CNBD1: variants seen among roughly 807,000 people sequenced by gnomAD.
CNBD1 encodes cyclic nucleotide binding domain containing 1, also known as cyclic nucleotide-binding domain-containing protein 1.
In CNBD1, 71 loss-of-function variants were observed where a neutral mutation model predicts 54.4. That is an observed-to-expected ratio of 1.30 (90% confidence interval 1.08 to 1.59). The LOEUF is 1.59. CNBD1 is among the 40% of genes most tolerant of loss of function. CNBD1 has a pLI of 0.00. For missense variants in CNBD1, 659 were observed against 518.0 expected (o/e 1.27, Z -2.64); for synonymous variants, 182 against 170.7 (o/e 1.07, Z -0.51).
intron 8 of CNBD1, among the ~76,000 whole-genome samples, chr8:87,348,757 T>TA (rs1455670811): frequency 6.6e-6 from 1 of 152,240 alleles, no homozygotes; most frequent in Non-Finnish European, 1.5e-5. Context: ...CTGATGCTAA[T>TA]AGCCAGTAGG....
intron 6 of CNBD1, among the ~76,000 whole-genome samples, chr8:87,245,960 C>T (rs1254148807): frequency 6.6e-6 from 1 of 151,984 alleles, no homozygotes; most frequent in Non-Finnish European, 1.5e-5. Context: ...ATGCCCATTT[C>T]ATTTAAAGTA....
At chr8:87,303,629 T>C (rs1019129717) in intron 8 of CNBD1, among the ~76,000 whole-genome samples, 2 of 146,770 alleles carry the variant, frequency 1.4e-5, no homozygotes, top group African/African-American at 5.4e-5. Flanking sequence ...AAGCCAAAAT[T>C]GACAAATGGG....
chr8:87,244,711 C>T (rs1807768193), intron 6 of CNBD1, among the ~76,000 whole-genome samples: 1 of 152,066 alleles, frequency 6.6e-6, no homozygotes, highest in Non-Finnish European at 1.5e-5. Context: ...TCCTTTAAGT[C>T]AGGGATCTTA....
intron 4 of CNBD1, among the ~76,000 whole-genome samples, chr8:87,121,510 A>AT (rs1301500516): frequency 4.0e-5 from 6 of 151,730 alleles, no homozygotes; most frequent in Non-Finnish European, 8.9e-5. Flanking sequence ...CAAACCTATC[A>AT]TTTTTTATGG....
At chr8:87,270,273 A>G (rs1808335373) in intron 6 of CNBD1, among the ~76,000 whole-genome samples, 1 of 145,782 alleles carries the variant, frequency 6.9e-6, no homozygotes. Context: ...ACAAGGAAAA[A>G]CAAACAACCT....
intron 10 of CNBD1, among the ~76,000 whole-genome samples, chr8:87,378,956 G>A (rs1400481714): frequency 6.7e-6 from 1 of 149,114 alleles, no homozygotes; most frequent in Non-Finnish European, 1.5e-5. Context: ...CTCTCTGTTT[G>A]TCTGTTGTTG....
chr8:87,017,344 T>C (rs1809376291), intron 4 of CNBD1, among the ~76,000 whole-genome samples: 2 of 152,232 alleles, frequency 1.3e-5, no homozygotes, highest in South Asian at 4.1e-4. Flanking sequence ...AATCTGCTCA[T>C]GTAAATTCTC....
chr8:87,304,741 CG>C (rs1563544952), intron 8 of CNBD1, among the ~76,000 whole-genome samples: 1 of 152,032 alleles, frequency 6.6e-6, no homozygotes, highest in Non-Finnish European at 1.5e-5. Context: ...TCAGCAATGT[CG>C]GCAAACAAGG....
chr8:87,275,292 T>G (rs964247700), intron 6 of CNBD1, among the ~76,000 whole-genome samples: 3 of 80,554 alleles, frequency 3.7e-5, no homozygotes, highest in Non-Finnish European at 7.7e-5. Context: ...TTAAAGTAGT[T>G]TTTTTCCAAT....
At chr8:87,026,722 T>A (rs1026852831) in intron 4 of CNBD1, among the ~76,000 whole-genome samples, 4 of 152,246 alleles carry the variant, frequency 2.6e-5, no homozygotes, top group African/African-American at 9.6e-5. Context: ...TTTCCCGTAC[T>A]TACTAGTTCC....
chr8:87,234,512 G>A (rs1250965438), intron 5 of CNBD1, among the ~76,000 whole-genome samples: 1 of 152,180 alleles, frequency 6.6e-6, no homozygotes, highest in Non-Finnish European at 1.5e-5. Flanking sequence ...GTTCTTGGGT[G>A]ACCAGATGCA....
chr8:86,949,740 G>A (rs1807556907), intron 4 of CNBD1, among the ~76,000 whole-genome samples: 1 of 151,790 alleles, frequency 6.6e-6, no homozygotes, highest in South Asian at 2.1e-4. Flanking sequence ...CTCTTGCTAG[G>A]ACTTCCAGTA....
intron 6 of CNBD1, among the ~76,000 whole-genome samples, chr8:87,264,658 C>T (rs138943553): frequency 0.28 from 42,644 of 151,958 alleles, 6,442 homozygotes; most frequent in African/African-American, 0.39. Flanking sequence ...TCTCCAGCAC[C>T]TGTTGTTTCC....
intron 3 of CNBD1, among the ~76,000 whole-genome samples, chr8:86,910,016 G>A (rs539513347): frequency 3.9e-5 from 6 of 152,294 alleles, no homozygotes; most frequent in African/African-American, 1.2e-4. Flanking sequence ...TCTCAAGGGA[G>A]ACAGCCTTAA....
Position 87,326,441 on chromosome 8 carries a change from C to A in CNBD1, c.1043-25244C>A, listed in dbSNP as rs1364889214. 4.7e-5 allele frequency among the ~76,000 whole-genome samples: 6 copies of A among 126,968 alleles called. 2 individuals carry two copies. Among genetic ancestry groups the A allele is most frequent in the African/African-American group, 5.7e-5 (2 of 34,874 alleles). The allele number at this position is 126,968 out of a possible 152,430, so 83.3% of individuals were successfully genotyped here. The stretch of plus-strand genomic sequence containing the variant: ...TTCTCCCCATCACTTTCAGGTACAC[C>A]AATCAGACATAGATTTGGTCTTTTC... On this transcript the variant is annotated intron_variant, in intron 8 of 10. Transcript: ENST00000518476.
intron 2 of CNBD1, among the ~76,000 whole-genome samples, chr8:87,393,835 GAGAC>G (rs1194650958): frequency 6.6e-6 from 1 of 151,794 alleles, no homozygotes; most frequent in African/African-American, 2.4e-5. Context: ...TAATGGAAGA[GAGAC>G]AGGTAATCAA....
intron 2 of CNBD1, among the ~76,000 whole-genome samples, chr8:87,398,677 G>A (rs4415337): frequency 0.15 from 22,454 of 151,852 alleles, 2,035 homozygotes; most frequent in Admixed American, 0.25. Flanking sequence ...GCAAGTCTCA[G>A]GGAGGCCTAT....
chr8:87,013,392 A>G (rs1809264580), intron 4 of CNBD1, among the ~76,000 whole-genome samples: 1 of 152,132 alleles, frequency 6.6e-6, no homozygotes, highest in African/African-American at 2.4e-5. Context: ...AGGGGTTCTC[A>G]AAAGAGGTTT....
At chr8:87,283,215 A>G (rs1808629532) in intron 6 of CNBD1, among the ~76,000 whole-genome samples, 1 of 152,100 alleles carries the variant, frequency 6.6e-6, no homozygotes, top group Non-Finnish European at 1.5e-5. Flanking sequence ...ACCATTATTT[A>G]CAGAAGTTTT....
Sources: gnomAD v4.1 joint callset for allele counts (sites outside exome capture counted in the v4.1 genomes callset) on GRCh38, gnomAD v4.1.1 for gene constraint, MANE v1.5 for transcripts, NCBI Gene and HGNC (gene_info 2026-07-23, HGNC 2026-07-21) for gene names.